The following ADGRG6 variants were observed in gnomAD, a reference collection of about 807,000 sequenced individuals.
The protein encoded by ADGRG6 is adhesion G protein-coupled receptor G6.
In ADGRG6, 84 loss-of-function variants were observed where a neutral mutation model predicts 142.4. The ratio of observed to expected loss-of-function variants is 0.59; its 90% confidence interval spans 0.49 to 0.71. ADGRG6 has a LOEUF of 0.71. ADGRG6 is among the 30% of genes least tolerant of loss of function. The pLI is 0.00. For missense variants in ADGRG6, 1,367 were observed against 1,466.6 expected (o/e 0.93, Z 1.11); for synonymous variants, 521 against 520.5 (o/e 1.00, Z -0.01).
At chr6:142,433,957 GAGGATTGCTTGAGCCCAGGAGTTCA>G (rs1777350268) in intron 22 of ADGRG6, among the ~76,000 whole-genome samples, 1 of 152,058 alleles carries the variant, frequency 6.6e-6, no homozygotes, top group Non-Finnish European at 1.5e-5. Context: ...GCTGAGGCAG[GAGGATTGCTTGAGCCCAGGAGTTCA>G]AGGCTACAGT....
chr6:142,439,189 A>G (rs1397009194), intron 24 of ADGRG6, among the ~76,000 whole-genome samples: 1 of 152,196 alleles, frequency 6.6e-6, no homozygotes, highest in Non-Finnish European at 1.5e-5. Flanking sequence ...ATAGTGAATG[A>G]TGTGAAAATG....
chr6:142,347,731 T>G (rs754985339), intron 2 of ADGRG6, among the ~76,000 whole-genome samples: 1 of 152,190 alleles, frequency 6.6e-6, no homozygotes, highest in Non-Finnish European at 1.5e-5. Flanking sequence ...TCAGATTCTG[T>G]TTGTCTAAGA....
chr6:142,314,704 A>G (rs1777938475), intron 2 of ADGRG6, among the ~76,000 whole-genome samples: 1 of 152,246 alleles, frequency 6.6e-6, no homozygotes, highest in South Asian at 2.1e-4. Flanking sequence ...GTCAGTAGGA[A>G]TAAGATACTG....
At chr6:142,345,355 G>C (rs555520649) in intron 2 of ADGRG6, among the ~76,000 whole-genome samples, 90 of 152,156 alleles carry the variant, frequency 5.9e-4, no homozygotes, top group African/African-American at 2.1e-3. Context: ...GCTTATACTT[G>C]TTGGCTGATC....
intron 6 of ADGRG6, among the ~76,000 whole-genome samples, chr6:142,388,787 G>T (rs1782157630): frequency 1.3e-5 from 2 of 152,014 alleles, no homozygotes; most frequent in African/African-American, 4.8e-5. Flanking sequence ...TCGTAAAGTT[G>T]AATGATCTTG....
chr6:142,407,486 A>G (rs964786968), intron 15 of ADGRG6, among the ~76,000 whole-genome samples: 9 of 152,222 alleles, frequency 5.9e-5, no homozygotes, highest in Non-Finnish European at 8.8e-5. Context: ...GAGATTTGAC[A>G]AGAAATACAA....
At chr6:142,426,548 A>G (rs1247128096) in intron 22 of ADGRG6, among the ~76,000 whole-genome samples, 3 of 152,114 alleles carry the variant, frequency 2.0e-5, no homozygotes, top group Non-Finnish European at 2.9e-5. Flanking sequence ...TGACTTTTCC[A>G]GGCACACAGT....
intron 18 of ADGRG6, among the ~76,000 whole-genome samples, chr6:142,414,020 A>G (rs544481356): frequency 6.6e-6 from 1 of 152,248 alleles, no homozygotes; most frequent in East Asian, 1.9e-4. Flanking sequence ...AGGAAAAATC[A>G]TAAACATTTT....
At chr6:142,433,648 C>A (rs1777327150) in intron 22 of ADGRG6, among the ~76,000 whole-genome samples, 1 of 152,208 alleles carries the variant, frequency 6.6e-6, no homozygotes, top group African/African-American at 2.4e-5. Context: ...GCAGCCAGTG[C>A]CCTCTCCAAC....
At chr6:142,314,924 T>C (rs984958604) in intron 2 of ADGRG6, among the ~76,000 whole-genome samples, 2 of 151,918 alleles carry the variant, frequency 1.3e-5, no homozygotes, top group Non-Finnish European at 2.9e-5. Flanking sequence ...TTGAGGAATT[T>C]GTACCAGAAA....
chr6:142,392,845 C>G, intron 7 of ADGRG6, 103 bp from the exon 8 acceptor site: 2 of 737,120 alleles, frequency 2.7e-6, no homozygotes, highest in Non-Finnish European at 4.7e-6. Context: ...AGGATTTTCC[C>G]AGGGTCTTAT....
At chr6:142,377,267 AG>A (rs1781546026) in intron 4 of ADGRG6, among the ~76,000 whole-genome samples, 1 of 152,220 alleles carries the variant, frequency 6.6e-6, no homozygotes, top group Non-Finnish European at 1.5e-5. Context: ...AACAACAAAA[AG>A]CTCAGCAAAG....
In ADGRG6 at chr6:142,318,144, A is replaced by G. The variant is rs1455411778; in HGVS notation, c.103+8500A>G. On this transcript the variant is annotated intron_variant, in intron 2 of 24. Coordinates refer to ENST00000367609, the MANE Select transcript of ADGRG6 (RefSeq NM_198569.3). ...TATATATATTATATATTTATATAAT[A>G]TATATTATATATTATATATATTATA... Among the ~76,000 whole-genome samples, 2 of 52,560 alleles carry G rather than the reference A, an allele frequency of 3.8e-5. 1 individual carries two copies. The highest frequency in any genetic ancestry group is 1.0e-3 in the South Asian group (2 of 1,952). The allele number at this position is 52,560 out of a possible 152,430, so 34.5% of individuals were successfully genotyped here. A position where few individuals can be genotyped will look rare whatever the true frequency, so the allele number is the denominator to read the frequency against.
Position 142,355,915 on chromosome 6 carries a change from C to G in ADGRG6, c.104-11654C>G, listed in dbSNP as rs115019986. On this transcript the variant is annotated intron_variant, in intron 2 of 24. Transcript: ENST00000367609. ...GTTTGGTGAACTTCGTGAACTTTTT[C>G]AAGCATGTTTTTGCCGCAGACTTGT... is the stretch of plus-strand genomic sequence containing the variant. 8.4e-3 allele frequency among the ~76,000 whole-genome samples: 1,273 copies of G among 152,252 alleles called. 16 individuals carry two copies. The highest frequency in any genetic ancestry group is 0.029 in the African/African-American group (1,200 of 41,524).
chr6:142,417,365 G>T lies in ADGRG6; in HGVS notation c.3031G>T (p.Glu1011Ter). The change falls in exon 21 of 25, where the codon GAA (glutamate) becomes TAA (stop). Residue 1011 changes from glutamate to a stop codon, truncating the protein, a stop_gained. Coordinates refer to ENST00000367609, the MANE Select transcript of ADGRG6 (RefSeq NM_198569.3). LOFTEE classifies it high-confidence loss of function. ...KESYGKEKGD[E>*]FCWIQDPVIF... ...AAGTTATGGGAAAGAAAAAGGTGAT[G>T]AATTGTAAGTAATAAAAACTTTTTG... The T allele has an allele frequency of 6.7e-7, 1 of 1,486,500 alleles. No individual in the cohort carries two copies. Among genetic ancestry groups the T allele is most frequent in the Admixed American group, 1.7e-5 (1 of 58,352 alleles). The allele number at this position is 1,486,500 out of a possible 1,614,324, so 92.1% of individuals were successfully genotyped here.
intron 22 of ADGRG6, among the ~76,000 whole-genome samples, chr6:142,425,089 GCAGAGAGGCACAA>G (rs1304334629): frequency 1.3e-5 from 2 of 152,186 alleles, no homozygotes; most frequent in Non-Finnish European, 2.9e-5. Context: ...TAGTGACAAA[GCAGAGAGGCACAA>G]CAGAGAGGCA....
At chr6:142,303,393 A>T (rs1777323796) in intron 1 of ADGRG6, among the ~76,000 whole-genome samples, 1 of 152,052 alleles carries the variant, frequency 6.6e-6, no homozygotes, top group African/African-American at 2.4e-5. Flanking sequence ...TCCCCAACAC[A>T]CATTTTAAAA....
chr6:142,436,995 T>C (rs1307864469), intron 22 of ADGRG6, among the ~76,000 whole-genome samples: 2 of 152,220 alleles, frequency 1.3e-5, no homozygotes, highest in African/African-American at 4.8e-5. Context: ...AATATACATA[T>C]GTAAAATAGC....
chr6:142,391,434 T>TACACACACACACAC lies in ADGRG6; in HGVS notation c.1308+1123_1308+1136dup, dbSNP rs35253608. On this transcript the variant is annotated intron_variant, in intron 7 of 24. Transcript: ENST00000367609. ...TTACGCATTGAGAGGAAGTGGTAGC[T>TACACACACACACAC]ACACACACACACACACACACACACA... 2.2e-3 allele frequency among the ~76,000 whole-genome samples: 297 copies of TACACACACACACAC among 132,454 alleles called. 2 individuals are homozygous for TACACACACACACAC. The highest frequency in any genetic ancestry group is 7.7e-3 in the African/African-American group (283 of 36,864). The allele number at this position is 132,454 out of a possible 152,430, so 86.9% of individuals were successfully genotyped here. A position where few individuals can be genotyped will look rare whatever the true frequency, so the allele number is the denominator to read the frequency against.
Sources: allele counts gnomAD v4.1 joint callset (sites outside exome capture counted in the v4.1 genomes callset), GRCh38; gene constraint gnomAD v4.1.1; transcripts MANE v1.5; gene names NCBI Gene and HGNC (gene_info 2026-07-23, HGNC 2026-07-21).